Variants in CCSER1 observed in about 807,000 individuals in gnomAD.
CCSER1 encodes coiled-coil serine rich protein 1, also known as serine-rich coiled-coil domain-containing protein 1.
CCSER1 carries 41 observed loss-of-function variants against 82.0 expected under a neutral mutation model. The observed-to-expected ratio is 0.50, with a 90% CI of 0.39 to 0.65. The LOEUF (loss-of-function observed/expected upper bound fraction) is 0.65, where lower values mean the gene tolerates loss of function less well. Among genes scored for constraint, CCSER1 ranks in the 30% least tolerant of loss-of-function variants. The pLI, the probability that CCSER1 is intolerant of heterozygous loss-of-function variation, is 0.00. For missense variants in CCSER1, 1,119 were observed against 1,064.2 expected, an observed-to-expected ratio of 1.05 and a Z score of -0.72; for synonymous variants, 414 against 383.9, an observed-to-expected ratio of 1.08 and a Z score of -0.92.
At chr4:91,205,638 T>C (rs1302927426) in intron 10 of CCSER1, among the ~76,000 whole-genome samples, 3 of 151,366 alleles carry the variant, frequency 2.0e-5, no homozygotes, top group African/African-American at 7.3e-5. Context: ...CCTTCTTCCC[T>C]ATCTTCCTTG....
intron 10 of CCSER1, among the ~76,000 whole-genome samples, chr4:91,568,589 A>G (rs993074335): frequency 1.3e-5 from 2 of 151,938 alleles, no homozygotes; most frequent in Non-Finnish European, 2.9e-5. Flanking sequence ...ATTTCAGAAA[A>G]CCAGTCTTAA....
At chr4:90,359,813 A>G (rs1245318992) in intron 3 of CCSER1, among the ~76,000 whole-genome samples, 3 of 150,696 alleles carry the variant, frequency 2.0e-5, no homozygotes, top group Non-Finnish European at 4.4e-5. Flanking sequence ...TAAAAACTTT[A>G]TATATAGATA....
chr4:91,339,335 A>T (rs1171779688), intron 10 of CCSER1, among the ~76,000 whole-genome samples: 3 of 152,154 alleles, frequency 2.0e-5, no homozygotes, highest in Non-Finnish European at 4.4e-5. Flanking sequence ...AATAAAGTTG[A>T]AAGATTCCTA....
At chr4:90,328,864 A>G (rs1340699742) in intron 3 of CCSER1, among the ~76,000 whole-genome samples, 1 of 152,184 alleles carries the variant, frequency 6.6e-6, no homozygotes, top group Admixed American at 6.5e-5. Context: ...AGTTTTGACT[A>G]TGACTTTAGA....
At chr4:90,671,188 T>C (rs934811833) in intron 6 of CCSER1, among the ~76,000 whole-genome samples, 2 of 152,028 alleles carry the variant, frequency 1.3e-5, no homozygotes, top group African/African-American at 4.8e-5. Flanking sequence ...CTACTGAAGG[T>C]TGCGATGGCT....
chr4:91,511,045 A>G (rs1198237621), intron 10 of CCSER1, among the ~76,000 whole-genome samples: 2 of 152,086 alleles, frequency 1.3e-5, no homozygotes, highest in African/African-American at 4.8e-5. Flanking sequence ...TCTTCTGCAT[A>G]TGGTTGGTCA....
intron 1 of CCSER1, among the ~76,000 whole-genome samples, chr4:90,219,443 G>T (rs1319154925): frequency 6.6e-6 from 1 of 152,020 alleles, no homozygotes; most frequent in Non-Finnish European, 1.5e-5. Context: ...CGGTGTCAGG[G>T]CTTATTTTTC....
chr4:91,262,439 A>T (rs1055235397), intron 10 of CCSER1, among the ~76,000 whole-genome samples: 8 of 152,084 alleles, frequency 5.3e-5, no homozygotes, highest in Non-Finnish European at 8.8e-5. Context: ...TGAGTTGCCC[A>T]TAGCTGAATA....
intron 3 of CCSER1, among the ~76,000 whole-genome samples, chr4:90,384,144 TA>T (rs1184752376): frequency 3.3e-5 from 5 of 151,926 alleles, no homozygotes; most frequent in Non-Finnish European, 5.9e-5. Context: ...TATTTTATTT[TA>T]TTTTTTTAAT....
At chr4:91,492,660 T>C (rs775708525) in intron 10 of CCSER1, among the ~76,000 whole-genome samples, 1 of 152,064 alleles carries the variant, frequency 6.6e-6, no homozygotes, top group Non-Finnish European at 1.5e-5. Flanking sequence ...GTAACAAAGA[T>C]GTTGTTGAAA....
intron 1 of CCSER1, among the ~76,000 whole-genome samples, chr4:90,166,440 T>C (rs1730467507): frequency 1.3e-5 from 2 of 151,988 alleles, no homozygotes; most frequent in South Asian, 4.1e-4. Flanking sequence ...TAAGACAGTA[T>C]ACCATATACT....
At chr4:91,284,457 T>C (rs1415430672) in intron 10 of CCSER1, among the ~76,000 whole-genome samples, 1 of 152,122 alleles carries the variant, frequency 6.6e-6, no homozygotes, top group African/African-American at 2.4e-5. Context: ...TATAAATATA[T>C]GCACCTCGGC....
chr4:90,151,816 T>C (rs1726920759), intron 1 of CCSER1, among the ~76,000 whole-genome samples: 1 of 152,176 alleles, frequency 6.6e-6, no homozygotes, highest in Non-Finnish European at 1.5e-5. Context: ...TATTTACATT[T>C]ACACAGTGAA....
chr4:91,357,614 A>G (rs1223675352), intron 10 of CCSER1, among the ~76,000 whole-genome samples: 1 of 152,074 alleles, frequency 6.6e-6, no homozygotes, highest in African/African-American at 2.4e-5. Flanking sequence ...TACCAAAGGT[A>G]TATTTTACTT....
chr4:91,236,034 A>G (rs200095559), intron 10 of CCSER1, among the ~76,000 whole-genome samples: 1 of 70,682 alleles, frequency 1.4e-5, no homozygotes, highest in Non-Finnish European at 2.6e-5. Flanking sequence ...TAAATTTTTT[A>G]TTAAAATCAT....
At chr4:91,263,917 G>T (rs78174669) in intron 10 of CCSER1, among the ~76,000 whole-genome samples, 464 of 151,926 alleles carry the variant, frequency 3.1e-3, no homozygotes, top group African/African-American at 0.011. Context: ...TATGTGGTTT[G>T]TCAAAATAAA....
chr4:91,220,630 TCAA>T (rs1210298747), intron 10 of CCSER1, among the ~76,000 whole-genome samples: 2 of 152,184 alleles, frequency 1.3e-5, no homozygotes, highest in Non-Finnish European at 2.9e-5. Flanking sequence ...ATTTACTAGT[TCAA>T]CAACGGTAGC....
At chr4:91,374,812 A>G (rs1048535699) in intron 10 of CCSER1, among the ~76,000 whole-genome samples, 1 of 152,198 alleles carries the variant, frequency 6.6e-6, no homozygotes, top group African/African-American at 2.4e-5. Flanking sequence ...CCTGGCCAAC[A>G]TGGTGAAATC....
intron 6 of CCSER1, among the ~76,000 whole-genome samples, chr4:90,633,841 C>T (rs1724924799): frequency 1.3e-5 from 2 of 151,850 alleles, no homozygotes; most frequent in Admixed American, 1.3e-4. Context: ...CAAATTCTGT[C>T]ATCCTTTTTT....
Sources: gnomAD v4.1 joint callset for allele counts (sites outside exome capture counted in the v4.1 genomes callset) on GRCh38, gnomAD v4.1.1 for gene constraint, MANE v1.5 for transcripts, NCBI Gene and HGNC (gene_info 2026-07-23, HGNC 2026-07-21) for gene names.